Variants in SETBP1 observed in about 807,000 individuals in gnomAD.
SETBP1 encodes SET-binding protein.
A neutral mutation model predicts 101.0 loss-of-function variants in SETBP1; 9 were observed. The ratio of observed to expected loss-of-function variants is 0.09; its 90% CI spans 0.05 to 0.16. SETBP1 has a LOEUF of 0.16. Ranked by LOEUF, SETBP1 falls within the 10% of genes least tolerant of loss-of-function variation. The pLI is 1.00. For missense variants in SETBP1, 1,858 were observed against 2,033.8 expected (o/e 0.91, Z 1.66); for synonymous variants, 818 against 788.5 (o/e 1.04, Z -0.63).
chr18:44,815,853 C>T (rs1011384364), intron 2 of SETBP1, among the ~76,000 whole-genome samples: 1 of 152,206 alleles, frequency 6.6e-6, no homozygotes, highest in Admixed American at 6.5e-5. Flanking sequence ...TGCAGCTTCT[C>T]TTGGCCTCTG....
chr18:44,995,246 A>C (rs1239867548), intron 4 of SETBP1, among the ~76,000 whole-genome samples: 1 of 140,756 alleles, frequency 7.1e-6, no homozygotes, highest in Non-Finnish European at 1.5e-5. Context: ...GGTTCACGCC[A>C]TTCTCCTGCC....
chr18:44,942,863 C>G (rs2071117053), intron 3 of SETBP1, among the ~76,000 whole-genome samples: 1 of 152,106 alleles, frequency 6.6e-6, no homozygotes, highest in Admixed American at 6.5e-5. Context: ...AAGAAGTGCT[C>G]TAGTATCATC....
chr18:45,060,891 C>G (rs970876849), intron 5 of SETBP1, among the ~76,000 whole-genome samples: 13 of 152,226 alleles, frequency 8.5e-5, no homozygotes, highest in African/African-American at 2.4e-4. Context: ...GTATTTCCAT[C>G]AAGCTTAACT....
At chr18:44,800,609 C>T (rs996325180) in intron 2 of SETBP1, among the ~76,000 whole-genome samples, 2 of 152,142 alleles carry the variant, frequency 1.3e-5, no homozygotes, top group African/African-American at 4.8e-5. Context: ...AAGGGAAGAG[C>T]AGCCCAGCAA....
At chr18:44,915,395 C>T (rs114888672) in intron 3 of SETBP1, among the ~76,000 whole-genome samples, 36 of 152,278 alleles carry the variant, frequency 2.4e-4, no homozygotes, top group African/African-American at 8.4e-4. Context: ...ATCAGTGAGT[C>T]AATTAATAAG....
chr18:44,803,130 G>A (rs2071643093), intron 2 of SETBP1, among the ~76,000 whole-genome samples: 1 of 152,114 alleles, frequency 6.6e-6, no homozygotes, highest in South Asian at 2.1e-4. Context: ...GCAGGGATTG[G>A]GGGAAGGGAC....
rs1169828107 is a variant in SETBP1, at chr18:44,880,918, G to A, written c.540+11635G>A. Among the ~76,000 whole-genome samples the A allele has an allele frequency of 4.6e-5, 7 of 152,148 alleles. No individual in the cohort carries two copies. In the South Asian group the frequency reaches 8.3e-4, roughly 18 times the overall value. ...GGGACAAATATCCAAACTATATCAA[G>A]CATGGTGTAAATACAGTCTGTGTGC... On this transcript the variant is annotated intron_variant, in intron 3 of 5. Coordinates refer to ENST00000649279, the MANE Select transcript of SETBP1 (RefSeq NM_015559.3).
chr18:44,937,585 C>G (rs1260949934), intron 3 of SETBP1, among the ~76,000 whole-genome samples: 1 of 152,160 alleles, frequency 6.6e-6, no homozygotes, highest in Non-Finnish European at 1.5e-5. Context: ...GGCACAGAAC[C>G]TGAGCCTCCC....
Position 44,984,115 on chromosome 18 carries a change from T to C in SETBP1, c.4000+30775T>C, listed in dbSNP as rs1034661552. On this transcript the variant is annotated intron_variant, in intron 4 of 5. Transcript: ENST00000649279. Reference sequence around the variant, plus strand: ...AGTCAGGAGGCTGAGGCAGGAGAATTGCTTGCACCTGGGAGGCAGAGGTTG... The same window carrying C: ...AGTCAGGAGGCTGAGGCAGGAGAATCGCTTGCACCTGGGAGGCAGAGGTTG... Among the ~76,000 whole-genome samples, 35 of 149,222 alleles carry C rather than the reference T, an allele frequency of 2.3e-4. 1 individual carries two copies. Among genetic ancestry groups the C allele is most frequent in the Middle Eastern group, 3.4e-3 (1 of 292 alleles).
intron 4 of SETBP1, among the ~76,000 whole-genome samples, chr18:44,970,867 CTTTT>C (rs762332205): frequency 1.4e-5 from 2 of 147,032 alleles, no homozygotes. Flanking sequence ...GTTTTCTTTT[CTTTT>C]TTTTTTTAAT....
At position 44,951,189 on chromosome 18, in the gene SETBP1, T is replaced by C; in HGVS notation, c.1849T>C (p.Phe617Leu). 1 of 1,613,682 alleles carries C rather than the reference T, an allele frequency of 6.2e-7. No homozygotes were observed. Among genetic ancestry groups the C allele is most frequent in the Non-Finnish European group, 8.5e-7 (1 of 1,179,912 alleles). ...TSPVSPISRE[F>L]PGTKKRKRRR... The stretch of plus-strand genomic sequence containing the variant: ...CCCCGTCAGTCCCATCAGCCGAGAG[T>C]TTCCTGGCACTAAGAAAAGAAAGCG... The change falls in exon 4 of 6, where the codon TTT (phenylalanine) becomes CTT (leucine). Residue 617 changes from phenylalanine to leucine, a missense_variant. By Grantham distance (22) the Phe-to-Leu change is conservative (BLOSUM62 0). Transcript: ENST00000649279. The surrounding 1 kb of genome is among the most constrained non-coding windows in gnomAD (Gnocchi z 7.8).
chr18:44,744,394 C>T (rs893484585), intron 2 of SETBP1, among the ~76,000 whole-genome samples: 3 of 152,262 alleles, frequency 2.0e-5, no homozygotes, highest in Admixed American at 6.5e-5. Flanking sequence ...CCCTGAGGGG[C>T]CCTGCCTGGG....
At chr18:45,022,141 A>G (rs1243160546) in intron 4 of SETBP1, among the ~76,000 whole-genome samples, 2 of 152,104 alleles carry the variant, frequency 1.3e-5, no homozygotes, top group East Asian at 1.9e-4. Context: ...CCTCTTTTCC[A>G]TGGCTGAGTG....
intron 2 of SETBP1, among the ~76,000 whole-genome samples, chr18:44,754,646 A>C (rs1374016862): frequency 2.0e-5 from 3 of 152,232 alleles, no homozygotes; most frequent in Non-Finnish European, 2.9e-5. Context: ...GACCATATAG[A>C]TACCCAGTCA....
At chr18:45,006,122 T>C (rs1026374924) in intron 4 of SETBP1, among the ~76,000 whole-genome samples, 4 of 151,156 alleles carry the variant, frequency 2.6e-5, no homozygotes, top group Non-Finnish European at 5.9e-5. Flanking sequence ...CCCAGCTAAG[T>C]TTTGTATTTT....
At chr18:44,744,779 A>C (rs538903152) in intron 2 of SETBP1, among the ~76,000 whole-genome samples, 221 of 129,144 alleles carry the variant, frequency 1.7e-3, no homozygotes, top group African/African-American at 5.4e-3. Flanking sequence ...TAAAAAAAAA[A>C]AAACAAAAAA....
At chr18:44,907,038 GT>G (rs1690573577) in intron 3 of SETBP1, among the ~76,000 whole-genome samples, 1 of 152,042 alleles carries the variant, frequency 6.6e-6, no homozygotes. Flanking sequence ...TCTTTCTATA[GT>G]TCCTGGCAAC....
At chr18:44,823,718 G>T (rs907911064) in intron 2 of SETBP1, among the ~76,000 whole-genome samples, 6 of 152,166 alleles carry the variant, frequency 3.9e-5, no homozygotes, top group Non-Finnish European at 8.8e-5. Flanking sequence ...AGCTAAAGTG[G>T]CAAAGCAGTA....
chr18:44,831,318 TGA>T (rs2072362212), intron 2 of SETBP1, among the ~76,000 whole-genome samples: 1 of 152,174 alleles, frequency 6.6e-6, no homozygotes, highest in African/African-American at 2.4e-5. Context: ...ACCAGACATG[TGA>T]TTAAGGGATA....
Sources: gnomAD v4.1 joint callset for allele counts (sites outside exome capture counted in the v4.1 genomes callset) on GRCh38, gnomAD v4.1.1 for gene constraint, Gnocchi (gnomAD v3.1) non-coding constraint, MANE v1.5 for transcripts, NCBI Gene and HGNC (gene_info 2026-07-23, HGNC 2026-07-21) for gene names.